ADGRB3: variants seen among roughly 807,000 people sequenced by gnomAD.
The protein encoded by ADGRB3 is brain-specific angiogenesis inhibitor 3.
A neutral mutation model predicts 193.4 loss-of-function variants in ADGRB3; 37 were observed. That is an observed-to-expected ratio of 0.19 (90% CI 0.15 to 0.25). ADGRB3 has a LOEUF of 0.25. ADGRB3 is among the 10% of genes least tolerant of loss of function. The pLI, the probability that ADGRB3 is intolerant of heterozygous loss-of-function variation, is 1.00. For missense variants in ADGRB3, 1,637 were observed against 1,852.9 expected (o/e 0.88, Z 2.14); for synonymous variants, 690 against 644.2 (o/e 1.07, Z -1.08).
intron 20 of ADGRB3, among the ~76,000 whole-genome samples, chr6:69,251,131 A>G (rs1317579562): frequency 1.3e-5 from 2 of 152,188 alleles, no homozygotes; most frequent in African/African-American, 4.8e-5. Context: ...CAGTTTCAAA[A>G]GCGTCTCATC....
chr6:68,897,984 ATAT>A, intron 3 of ADGRB3, among the ~76,000 whole-genome samples: 1 of 147,634 alleles, frequency 6.8e-6, no homozygotes, highest in Non-Finnish European at 1.5e-5. Context: ...ATAATATTAC[ATAT>A]TATATATATA....
intron 20 of ADGRB3, among the ~76,000 whole-genome samples, chr6:69,265,491 T>C (rs1165169284): frequency 6.6e-6 from 1 of 151,930 alleles, no homozygotes; most frequent in East Asian, 1.9e-4. Context: ...CCCAACTTTA[T>C]ATGATTTTCT....
intron 17 of ADGRB3, among the ~76,000 whole-genome samples, chr6:69,164,094 T>TC (rs1323404121): frequency 2.0e-5 from 3 of 152,078 alleles, no homozygotes; most frequent in Non-Finnish European, 1.5e-5. Flanking sequence ...AGTATTTTTT[T>TC]CCCAAGGTGA....
At chr6:68,876,391 G>A (rs1299240445) in intron 3 of ADGRB3, among the ~76,000 whole-genome samples, 1 of 152,112 alleles carries the variant, frequency 6.6e-6, no homozygotes, top group Admixed American at 6.6e-5. Context: ...TAAGACCAAA[G>A]CACAGAAGTG....
intron 3 of ADGRB3, among the ~76,000 whole-genome samples, chr6:68,719,671 G>A (rs1232777737): frequency 6.6e-6 from 1 of 151,662 alleles, no homozygotes; most frequent in Non-Finnish European, 1.5e-5. Flanking sequence ...AGCTCTTACA[G>A]ATACAATTTC....
At position 69,388,797 on chromosome 6, in the gene ADGRB3, C is replaced by T; in HGVS notation, c.4475C>T (p.Ala1492Val). 6.2e-7 allele frequency: 1 copy of T among 1,613,484 alleles called. No individual in the cohort carries two copies. Among genetic ancestry groups the T allele is most frequent in the Non-Finnish European group, 8.5e-7 (1 of 1,179,650 alleles). The change falls in exon 32 of 32, where the codon GCA becomes GTA. Residue 1492 changes from alanine (A) to valine (V), a missense_variant. Around this residue, in one of 7 missense-constraint regions of ADGRB3, gnomAD observed 368 missense variants for 367.4 expected, o/e 1.00. Coordinates refer to ENST00000370598, the MANE Select transcript of ADGRB3 (RefSeq NM_001704.3). ...YTTINVLDTE[A>V]KDALELRPAE... The stretch of plus-strand genomic sequence containing the variant: ...ACAATCAATGTCTTAGACACAGAGG[C>T]AAAGGATGCTTTGGAACTGAGGCCA...
chr6:69,265,952 T>C (rs1170367754), intron 20 of ADGRB3, among the ~76,000 whole-genome samples: 1 of 151,934 alleles, frequency 6.6e-6, no homozygotes, highest in African/African-American at 2.4e-5. Flanking sequence ...GCTTACTAAC[T>C]GAAAAAAAAT....
rs142525141 is a variant in ADGRB3 at position 69,030,757 on chromosome 6, A to T, written c.2107+12258A>T. Among the ~76,000 whole-genome samples the T allele has an allele frequency of 3.3e-3, 497 of 152,312 alleles. 2 individuals are homozygous for T. The highest frequency in any genetic ancestry group is 0.012 in the African/African-American group (481 of 41,574). ...GTCCTGCACATGTATTGCAGAACTT[A>T]AAGTATAATAAAGCAAAACAAAACA... On this transcript the variant is annotated intron_variant, in intron 13 of 31. Transcript: ENST00000370598.
intron 17 of ADGRB3, among the ~76,000 whole-genome samples, chr6:69,079,546 A>C (rs944035696): frequency 1.3e-5 from 2 of 152,098 alleles, no homozygotes; most frequent in African/African-American, 2.4e-5. Flanking sequence ...CACCACTCCT[A>C]TTCAACGTAG....
chr6:68,786,284 G>T (rs984384815), intron 3 of ADGRB3, among the ~76,000 whole-genome samples: 10 of 151,858 alleles, frequency 6.6e-5, no homozygotes, highest in African/African-American at 2.2e-4. Context: ...TTTATGGTTT[G>T]AGGTCTAACA....
In ADGRB3 at chr6:69,192,196, C is replaced by T. The variant is rs546550002; in HGVS notation, c.2481-41094C>T. On this transcript the variant is annotated intron_variant, in intron 17 of 31. Coordinates refer to ENST00000370598, the MANE Select transcript of ADGRB3 (RefSeq NM_001704.3). ...GGAGCAAGGAAGCCAGTTGGAGATC[C>T]GAAACCTCAAAGGTAAGAAAGCCAA... Among the ~76,000 whole-genome samples the T allele has an allele frequency of 5.3e-5, 8 of 152,186 alleles. No individual in the cohort carries two copies. The South Asian group carries it at 1.2e-3, about 24-fold the overall frequency.
intron 8 of ADGRB3, among the ~76,000 whole-genome samples, chr6:68,960,675 A>G (rs536488887): frequency 6.6e-6 from 1 of 152,208 alleles, no homozygotes; most frequent in South Asian, 2.1e-4. Context: ...AAGCTTGCCT[A>G]CTTTGCACTC....
intron 3 of ADGRB3, among the ~76,000 whole-genome samples, chr6:68,837,661 G>A (rs1768071262): frequency 6.6e-6 from 1 of 152,116 alleles, no homozygotes; most frequent in Admixed American, 6.6e-5. Context: ...AATAGATATG[G>A]GCTTAAAGAT....
At chr6:69,341,465 A>G (rs929237705) in intron 26 of ADGRB3, among the ~76,000 whole-genome samples, 1 of 152,200 alleles carries the variant, frequency 6.6e-6, no homozygotes, top group African/African-American at 2.4e-5. Flanking sequence ...AGAACATTCT[A>G]TGTAGAAATT....
intron 6 of ADGRB3, among the ~76,000 whole-genome samples, chr6:68,951,132 G>A (rs949145363): frequency 6.6e-6 from 1 of 152,040 alleles, no homozygotes; most frequent in Non-Finnish European, 1.5e-5. Context: ...TGCCAAAAAT[G>A]AGACATTGTT....
chr6:69,147,103 C>T (rs1774524203), intron 17 of ADGRB3, among the ~76,000 whole-genome samples: 1 of 151,606 alleles, frequency 6.6e-6, no homozygotes, highest in Non-Finnish European at 1.5e-5. Flanking sequence ...CTTTTTGTTG[C>T]ATTTATCTTT....
chr6:69,095,309 G>A (rs1410899722), intron 17 of ADGRB3, among the ~76,000 whole-genome samples: 1 of 151,334 alleles, frequency 6.6e-6, no homozygotes, highest in African/African-American at 2.4e-5. Flanking sequence ...GATCATGGGA[G>A]GCCTTCAACA....
intron 3 of ADGRB3, among the ~76,000 whole-genome samples, chr6:68,706,979 CG>C (rs988353649): frequency 1.1e-4 from 16 of 151,806 alleles, no homozygotes; most frequent in Non-Finnish European, 1.9e-4. Context: ...GGCATGGTGG[CG>C]GGTACCTGTA....
intron 3 of ADGRB3, among the ~76,000 whole-genome samples, chr6:68,707,406 A>G (rs1314530386): frequency 6.6e-6 from 1 of 152,104 alleles, no homozygotes; most frequent in African/African-American, 2.4e-5. Context: ...AGGTAAAACC[A>G]TTTGTGTCTA....
Sources: gnomAD v4.1 joint callset for allele counts (sites outside exome capture counted in the v4.1 genomes callset) on GRCh38, gnomAD v4.1.1 for gene constraint, gnomAD v4.1.1 regional missense constraint, MANE v1.5 for transcripts, NCBI Gene and HGNC (gene_info 2026-07-23, HGNC 2026-07-21) for gene names.